Variants in FNDC3B observed in about 807,000 individuals in gnomAD.
FNDC3B encodes the protein fibronectin type III domain containing 3B, also known as fibronectin type III domain-containing protein 3B.
FNDC3B carries 12 observed loss-of-function variants against 151.5 expected under a neutral mutation model. That is an observed-to-expected ratio of 0.08 (90% CI 0.05 to 0.13). The LOEUF is 0.13. FNDC3B is among the 10% of genes least tolerant of loss of function. The pLI is 1.00. For synonymous variants in FNDC3B, 528 were observed against 549.0 expected (o/e 0.96, Z 0.54); for missense variants, 1,214 against 1,505.3 (o/e 0.81, Z 3.20).
At chr3:172,345,261 A>C (rs1245109826) in intron 19 of FNDC3B, among the ~76,000 whole-genome samples, 2 of 152,236 alleles carry the variant, frequency 1.3e-5, no homozygotes, top group African/African-American at 4.8e-5. Flanking sequence ...ACGCCTATGT[A>C]CCTGAACTTA....
At chr3:172,166,757 C>T (rs572560817) in intron 3 of FNDC3B, among the ~76,000 whole-genome samples, 160 of 142,296 alleles carry the variant, frequency 1.1e-3, no homozygotes, top group African/African-American at 3.6e-3. Flanking sequence ...CATAGGGAGA[C>T]CTTGCCTCTG....
chr3:172,214,634 T>G (rs1725890257), intron 3 of FNDC3B, among the ~76,000 whole-genome samples: 1 of 152,362 alleles, frequency 6.6e-6, no homozygotes, highest in South Asian at 2.1e-4. Context: ...ACTATGACTC[T>G]GTGTTTATGG....
chr3:172,081,814 A>G (rs1424171190), intron 1 of FNDC3B, among the ~76,000 whole-genome samples: 2 of 152,196 alleles, frequency 1.3e-5, no homozygotes, highest in Non-Finnish European at 2.9e-5. Flanking sequence ...TGCATTAAGC[A>G]TTTGGTTTTA....
intron 25 of FNDC3B, among the ~76,000 whole-genome samples, chr3:172,396,946 G>T (rs907419200): frequency 6.6e-6 from 1 of 152,164 alleles, no homozygotes; most frequent in African/African-American, 2.4e-5. Flanking sequence ...GTCAAAGTTC[G>T]AGTCACTGGA....
chr3:172,351,250 A>G (rs1305522249), intron 21 of FNDC3B, among the ~76,000 whole-genome samples: 1 of 152,224 alleles, frequency 6.6e-6, no homozygotes, highest in Non-Finnish European at 1.5e-5. Context: ...AACAGGTGGC[A>G]CCTACAGACC....
chr3:172,288,565 A>G (rs967790027), intron 7 of FNDC3B, among the ~76,000 whole-genome samples: 3 of 152,250 alleles, frequency 2.0e-5, no homozygotes, highest in African/African-American at 4.8e-5. Flanking sequence ...ATTCTGTAGC[A>G]TAAGCAGCAC....
At position 172,347,298 on chromosome 3, in the gene FNDC3B, G is replaced by A. The variant is rs764407437; in HGVS notation, c.2451G>A (p.Gly817=). ...AATCCTTAGAACTCATTTATCATGG[G>A]ACAGACACCCGTTTTGAAATAAGAG... The part of the protein sequence containing the change: ...DEESLELIYH[G]TDTRFEIRDL... Residue 817 remains glycine, a synonymous_variant, in exon 21 of 26, where the codon GGG becomes GGA. Transcript: ENST00000415807. 19 of 1,614,008 alleles carry A rather than the reference G, an allele frequency of 1.2e-5. No homozygotes were observed. The highest frequency in any genetic ancestry group is 1.6e-5 in the Non-Finnish European group (19 of 1,179,972).
intron 3 of FNDC3B, among the ~76,000 whole-genome samples, chr3:172,138,829 G>A (rs77171489): frequency 0.022 from 3,396 of 152,320 alleles, 68 homozygotes; most frequent in Non-Finnish European, 0.036. Flanking sequence ...AACAGAATGC[G>A]TGCAGAGGGG....
chr3:172,296,158 T>G (rs376659010), intron 8 of FNDC3B, among the ~76,000 whole-genome samples: 31 of 152,354 alleles, frequency 2.0e-4, no homozygotes, highest in African/African-American at 6.0e-4. Flanking sequence ...CTGCTCAGAT[T>G]TGCAGAGCAG....
chr3:172,088,897 A>G (rs1170804204), intron 1 of FNDC3B, among the ~76,000 whole-genome samples: 2 of 152,216 alleles, frequency 1.3e-5, no homozygotes, highest in African/African-American at 2.4e-5. Flanking sequence ...AGCTATAACA[A>G]TAGTAATATT....
intron 6 of FNDC3B, among the ~76,000 whole-genome samples, chr3:172,278,752 C>A (rs1483881024): frequency 1.3e-5 from 2 of 152,034 alleles, no homozygotes; most frequent in Non-Finnish European, 2.9e-5. Context: ...CATGGTGAAA[C>A]CCCGTCTCTA....
At chr3:172,119,058 T>A (rs979762601) in intron 2 of FNDC3B, among the ~76,000 whole-genome samples, 2 of 150,386 alleles carry the variant, frequency 1.3e-5, no homozygotes, top group Non-Finnish European at 2.9e-5. Flanking sequence ...TAGTCCCAGC[T>A]ACTTGGGAGG....
Position 172,320,145 on chromosome 3 carries a change from C to G in FNDC3B, c.1255-8807C>G, listed in dbSNP as rs556168788. Among the ~76,000 whole-genome samples, 236 of 152,158 alleles carry G rather than the reference C, an allele frequency of 1.6e-3. 2 individuals are homozygous for G. The highest frequency in any genetic ancestry group is 5.5e-3 in the African/African-American group (229 of 41,508). On this transcript the variant is annotated intron_variant, in intron 11 of 25. Coordinates refer to ENST00000415807, the MANE Select transcript of FNDC3B (RefSeq NM_022763.4). ...CTGTAACCCCAGTACTTTGGGAGGC[C>G]GAGGCAGGTGGATCACCTGAGGTCA...
chr3:172,262,291 T>G (rs903602333), intron 6 of FNDC3B, among the ~76,000 whole-genome samples: 6 of 152,242 alleles, frequency 3.9e-5, no homozygotes, highest in Non-Finnish European at 7.3e-5. Context: ...TTTGCCCTGT[T>G]GTGGTCCATG....
At position 172,397,622 on chromosome 3, in the gene FNDC3B, G is replaced by A; in HGVS notation, c.*147G>A. ...CTAGAAAAAAAATGTCAGTGTTTTGGTGCACCTTTTTGAAATGCAAAACTA... is the reference window on the plus strand; with the variant it reads ...CTAGAAAAAAAATGTCAGTGTTTTGATGCACCTTTTTGAAATGCAAAACTA... On this transcript the variant is annotated 3_prime_UTR_variant, in exon 26 of 26. Transcript: ENST00000415807. 2.3e-6 allele frequency: 1 copy of A among 438,176 alleles called. No homozygotes were observed. Among genetic ancestry groups the A allele is most frequent in the Admixed American group, 4.4e-5 (1 of 22,772 alleles). The allele number at this position is 438,176 out of a possible 1,614,324, so 27.1% of individuals were successfully genotyped here. A position where few individuals can be genotyped will look rare whatever the true frequency, so the allele number is the denominator to read the frequency against.
At position 172,395,540 on chromosome 3, in the gene FNDC3B, C is replaced by T. The variant is rs1736230464; in HGVS notation, c.3304-1624C>T. Among the ~76,000 whole-genome samples the T allele has an allele frequency of 1.3e-5, 2 of 152,100 alleles. 1 individual carries two copies. The highest frequency in any genetic ancestry group is 4.1e-4 in the South Asian group (2 of 4,822). ...TCTTAATAGAAGAAATCAGGTTTGTCATACAGAGATGAAAACTCAAGACAG... is the reference window on the plus strand; with the variant it reads ...TCTTAATAGAAGAAATCAGGTTTGTTATACAGAGATGAAAACTCAAGACAG... On this transcript the variant is annotated intron_variant, in intron 25 of 25. Transcript: ENST00000415807.
intron 6 of FNDC3B, among the ~76,000 whole-genome samples, chr3:172,274,277 T>G (rs1250308980): frequency 6.6e-6 from 1 of 152,166 alleles, no homozygotes; most frequent in East Asian, 1.9e-4. Flanking sequence ...CTAATGTAAT[T>G]ATTTTATCCT....
At chr3:172,099,608 C>T (rs1719277703) in intron 1 of FNDC3B, among the ~76,000 whole-genome samples, 2 of 152,138 alleles carry the variant, frequency 1.3e-5, no homozygotes, top group African/African-American at 4.8e-5. Flanking sequence ...GCTGACAGCC[C>T]CAGCAGGAAG....
intron 25 of FNDC3B, among the ~76,000 whole-genome samples, chr3:172,382,106 A>G (rs1482854759): frequency 6.6e-6 from 1 of 152,110 alleles, no homozygotes; most frequent in East Asian, 1.9e-4. Context: ...AAGTGTTCCT[A>G]TTTCCCCACA....
Sources: gnomAD v4.1 joint callset for allele counts (sites outside exome capture counted in the v4.1 genomes callset) on GRCh38, gnomAD v4.1.1 for gene constraint, MANE v1.5 for transcripts, NCBI Gene and HGNC (gene_info 2026-07-23, HGNC 2026-07-21) for gene names.